The following PCNX1 variants were observed in gnomAD, a reference collection of about 807,000 sequenced individuals.
PCNX1 encodes pecanex-like protein 1.
In PCNX1, 78 loss-of-function variants were observed where a neutral mutation model predicts 242.2. The observed-to-expected ratio is 0.32, with a 90% CI of 0.27 to 0.39. PCNX1 has a LOEUF of 0.39. Among genes scored for constraint, PCNX1 ranks in the 10% least tolerant of loss-of-function variants. The pLI, the probability that PCNX1 is intolerant of heterozygous loss-of-function variation, is 1.00. For missense variants in PCNX1, 2,581 were observed against 2,856.5 expected (o/e 0.90, Z 2.20); for synonymous variants, 1,024 against 1,032.9 (o/e 0.99, Z 0.17).
Position 71,012,967 on chromosome 14 carries a change from A to T in PCNX1, c.2779-18A>T. 6.5e-7 allele frequency: 1 copy of T among 1,539,268 alleles called. No homozygotes were observed. Among genetic ancestry groups the T allele is most frequent in the East Asian group, 2.2e-5 (1 of 44,492 alleles). On this transcript the variant is annotated intron_variant, in intron 10 of 35. Coordinates refer to ENST00000304743, the MANE Select transcript of PCNX1 (RefSeq NM_014982.3). The stretch of plus-strand genomic sequence containing the variant: ...TATTGAAGATATTTTAAGCCTTTCA[A>T]TGCTGACTTTCTTTTAGCTCTCTCT...
intron 25 of PCNX1, among the ~76,000 whole-genome samples, chr14:71,056,733 C>T (rs1227379168): frequency 6.6e-6 from 1 of 151,566 alleles, no homozygotes; most frequent in African/African-American, 2.4e-5. Context: ...GGCTGGAGTG[C>T]AGTGGCACAG....
intron 28 of PCNX1, among the ~76,000 whole-genome samples, chr14:71,079,094 C>T (rs897929454): frequency 2.0e-5 from 3 of 152,096 alleles, no homozygotes; most frequent in African/African-American, 7.2e-5. Flanking sequence ...GTGAGAACAT[C>T]CAGTGTTTGG....
At chr14:70,957,824 G>A (rs1192614413) in intron 2 of PCNX1, among the ~76,000 whole-genome samples, 2 of 143,026 alleles carry the variant, frequency 1.4e-5, no homozygotes, top group Admixed American at 6.9e-5. Flanking sequence ...GTGTGTGTAT[G>A]TATGTGTGTG....
Position 70,977,087 on chromosome 14 carries a change from T to G in PCNX1, c.750T>G (p.His250Gln). ...TGCCAAGTCATAACCACCACCACCATGTTGATCAGTCTCTGTCCAGCGCCT... is the reference window on the plus strand; with the variant it reads ...TGCCAAGTCATAACCACCACCACCAGGTTGATCAGTCTCTGTCCAGCGCCT... Reference protein sequence around the residue: ...VNLPSHNHHHHVDQSLSSACD... With the variant: ...VNLPSHNHHHQVDQSLSSACD... Residue 250 changes from histidine to glutamine, a missense_variant, in exon 6 of 36, where the codon CAT becomes CAG. By Grantham distance (24) the His-to-Gln change is conservative. Coordinates refer to ENST00000304743, the MANE Select transcript of PCNX1 (RefSeq NM_014982.3). 6.2e-7 allele frequency: 1 copy of G among 1,614,140 alleles called. No homozygotes were observed. The highest frequency in any genetic ancestry group is 8.5e-7 in the Non-Finnish European group (1 of 1,180,018).
intron 26 of PCNX1, among the ~76,000 whole-genome samples, chr14:71,069,637 G>A (rs1421406171): frequency 1.3e-5 from 2 of 152,150 alleles, no homozygotes; most frequent in African/African-American, 2.4e-5. Flanking sequence ...TACATTATAT[G>A]GTAGTGTATT....
At chr14:70,926,976 G>T (rs1330051147) in intron 1 of PCNX1, among the ~76,000 whole-genome samples, 1 of 152,194 alleles carries the variant, frequency 6.6e-6, no homozygotes, top group Non-Finnish European at 1.5e-5. Flanking sequence ...TGTGGAGTCA[G>T]ACTGGGTATC....
chr14:70,949,331 ACG>A (rs1419646013), intron 2 of PCNX1, among the ~76,000 whole-genome samples: 3 of 148,614 alleles, frequency 2.0e-5, no homozygotes, highest in Non-Finnish European at 3.0e-5. Context: ...ACGTGTATAC[ACG>A]CACGTGCATA....
chr14:71,026,112 T>G lies in PCNX1; in HGVS notation c.3184-5T>G. ...AAACTGACTTTTAAAAAATATCATT[T>G]TCAGGGTCATAATCGTATCATTGCC... On this transcript the variant is annotated splice_polypyrimidine_tract_variant and splice_region_variant and intron_variant, in intron 13 of 35. Coordinates refer to ENST00000304743, the MANE Select transcript of PCNX1 (RefSeq NM_014982.3). 1 of 1,538,744 alleles carries G rather than the reference T, an allele frequency of 6.5e-7. No homozygotes were observed. Among genetic ancestry groups the G allele is most frequent in the Non-Finnish European group, 8.8e-7 (1 of 1,136,864 alleles).
At chr14:71,025,537 G>A (rs2060218310) in intron 13 of PCNX1, among the ~76,000 whole-genome samples, 1 of 151,854 alleles carries the variant, frequency 6.6e-6, no homozygotes, top group Non-Finnish European at 1.5e-5. Flanking sequence ...GATAAAGCTA[G>A]GAAGTGTATG....
At chr14:70,942,252 T>C (rs144924742) in intron 1 of PCNX1, among the ~76,000 whole-genome samples, 1 of 152,342 alleles carries the variant, frequency 6.6e-6, no homozygotes, top group East Asian at 1.9e-4. Flanking sequence ...TTCGGCCATC[T>C]TACAACTAAG....
At chr14:71,003,041 A>G in intron 8 of PCNX1, among the ~76,000 whole-genome samples, 1 of 149,190 alleles carries the variant, frequency 6.7e-6, no homozygotes. Flanking sequence ...GTGTGTCCAG[A>G]AATTTACTCA....
At chr14:71,031,299 C>T (rs1169483767) in intron 16 of PCNX1, among the ~76,000 whole-genome samples, 1 of 152,228 alleles carries the variant, frequency 6.6e-6, no homozygotes, top group Non-Finnish European at 1.5e-5. Flanking sequence ...TCCAACATCC[C>T]TTCCTAGCAC....
intron 18 of PCNX1, 42 bp downstream of exon 18, chr14:71,034,078 T>TA (rs750652018): frequency 3.0e-5 from 32 of 1,062,322 alleles, no homozygotes; most frequent in Non-Finnish European, 4.6e-5. Context: ...ACTTAAATCT[T>TA]AGACAGTTGA....
At chr14:71,070,443 AC>A (rs1157558327) in intron 26 of PCNX1, among the ~76,000 whole-genome samples, 1 of 152,198 alleles carries the variant, frequency 6.6e-6, no homozygotes, top group Admixed American at 6.5e-5. Flanking sequence ...CTATAGCCTT[AC>A]AAAATTTATT....
intron 8 of PCNX1, among the ~76,000 whole-genome samples, chr14:70,998,716 A>G (rs2059421269): frequency 7.0e-6 from 1 of 143,342 alleles, no homozygotes; most frequent in Admixed American, 7.5e-5. Flanking sequence ...GCGCCGCTGT[A>G]CTCCAGCCTG....
intron 2 of PCNX1, among the ~76,000 whole-genome samples, chr14:70,959,536 G>A (rs1357735196): frequency 2.6e-5 from 4 of 151,532 alleles, no homozygotes; most frequent in Admixed American, 1.3e-4. Flanking sequence ...AATTTCATTC[G>A]TGTCCCTACA....
intron 5 of PCNX1, among the ~76,000 whole-genome samples, chr14:70,975,916 G>A (rs979589495): frequency 6.6e-6 from 1 of 151,788 alleles, no homozygotes; most frequent in Non-Finnish European, 1.5e-5. Context: ...TTTTTTAATT[G>A]CTATACCAAT....
intron 3 of PCNX1, 74 bp downstream of exon 3, chr14:70,962,405 A>C: frequency 2.6e-6 from 2 of 766,346 alleles, no homozygotes; most frequent in Non-Finnish European, 4.7e-6. Context: ...TCGTGTCTTT[A>C]AGTCGGCTGA....
chr14:70,958,138 T>C (rs189651482), intron 2 of PCNX1, among the ~76,000 whole-genome samples: 29 of 152,360 alleles, frequency 1.9e-4, no homozygotes, highest in African/African-American at 6.7e-4. Context: ...GAACATGTTC[T>C]ACATTTCTCA....
Sources: allele counts gnomAD v4.1 joint callset (sites outside exome capture counted in the v4.1 genomes callset), GRCh38; gene constraint gnomAD v4.1.1; transcripts MANE v1.5; gene names NCBI Gene and HGNC (gene_info 2026-07-23, HGNC 2026-07-21).